Variants in NRXN1 observed in about 807,000 individuals in gnomAD.
NRXN1 encodes the protein neurexin 1.
NRXN1 carries 39 observed loss-of-function variants against 150.9 expected under a neutral mutation model. The ratio of observed to expected loss-of-function variants is 0.26; its 90% CI spans 0.20 to 0.34. NRXN1 has a LOEUF of 0.34. NRXN1 is among the 10% of genes least tolerant of loss of function. The probability of loss-of-function intolerance (pLI) is 1.00; values close to 1 mark genes in which losing one functional copy is unlikely to be tolerated. For missense variants in NRXN1, 1,815 were observed against 1,949.9 expected (o/e 0.93, Z 1.30); for synonymous variants, 924 against 757.0 (o/e 1.22, Z -3.62).
chr2:50,340,681 G>A (rs2077485605), intron 17 of NRXN1, among the ~76,000 whole-genome samples: 1 of 152,014 alleles, frequency 6.6e-6, no homozygotes, highest in East Asian at 1.9e-4. Flanking sequence ...ACTTAGAATT[G>A]GAAATGATCT....
chr2:50,872,233 G>C (rs145916020), intron 5 of NRXN1, among the ~76,000 whole-genome samples: 1 of 151,902 alleles, frequency 6.6e-6, no homozygotes, highest in African/African-American at 2.4e-5. Context: ...TTACGATTTT[G>C]TGGGAGAGAG....
At chr2:50,216,442 G>A (rs1239241320) in intron 18 of NRXN1, among the ~76,000 whole-genome samples, 1 of 151,954 alleles carries the variant, frequency 6.6e-6, no homozygotes, top group Non-Finnish European at 1.5e-5. Flanking sequence ...AAGGCATTGA[G>A]CCATACCTCT....
Position 50,295,803 on chromosome 2 carries a change from G to T in NRXN1, c.3365-58833C>A, listed in dbSNP as rs533560309. Among the ~76,000 whole-genome samples the T allele has an allele frequency of 5.9e-5, 9 of 152,250 alleles. No homozygotes were observed. In the East Asian group the frequency reaches 1.5e-3, roughly 26 times the overall value. ...GCATAAGGGAATTTCTCACAAAACC[G>T]CAATGCAGACCACTTCACAAATAAC... On this transcript the variant is annotated intron_variant, in intron 17 of 22. Coordinates refer to ENST00000401669, the MANE Select transcript of NRXN1 (RefSeq NM_001330078.2).
intron 5 of NRXN1, among the ~76,000 whole-genome samples, chr2:50,804,811 ATC>A (rs1667296737): frequency 6.6e-6 from 1 of 152,112 alleles, no homozygotes; most frequent in Non-Finnish European, 1.5e-5. Context: ...TAATTTACCT[ATC>A]AAAACCACTT....
At chr2:50,220,173 A>G (rs1194528862) in intron 18 of NRXN1, among the ~76,000 whole-genome samples, 3 of 150,190 alleles carry the variant, frequency 2.0e-5, no homozygotes, top group Non-Finnish European at 4.4e-5. Context: ...TGAGGTTCAC[A>G]TTACCAAAGA....
intron 18 of NRXN1, among the ~76,000 whole-genome samples, chr2:50,197,791 A>G (rs17040150): frequency 0.015 from 2,273 of 152,292 alleles, 55 homozygotes; most frequent in African/African-American, 0.052. Context: ...AGACATGCTA[A>G]TATCACAGCT....
intron 2 of NRXN1, among the ~76,000 whole-genome samples, chr2:51,020,017 A>G (rs1669339082): frequency 6.6e-6 from 1 of 151,548 alleles, no homozygotes; most frequent in South Asian, 2.1e-4. Context: ...TATTCAGTGC[A>G]TTGGTATTCA....
Position 50,260,204 on chromosome 2 carries a change from AGCCCATATGAT to A in NRXN1, c.3365-23245_3365-23235del, listed in dbSNP as rs141925611. On this transcript the variant is annotated intron_variant, in intron 17 of 22. Coordinates refer to ENST00000401669, the MANE Select transcript of NRXN1 (RefSeq NM_001330078.2). ...GAACATAGTGGTCATGGGTACTGGT[AGCCCATATGAT>A]GCCTTTAGGAAAATAGAAAAAAAGC... is the stretch of plus-strand genomic sequence containing the variant. Among the ~76,000 whole-genome samples the A allele has an allele frequency of 1.6e-3, 243 of 152,014 alleles. 9 individuals are homozygous for A. The East Asian group carries it at 0.034, about 21-fold the overall frequency.
At chr2:51,013,694 G>C (rs1321698775) in intron 2 of NRXN1, among the ~76,000 whole-genome samples, 1 of 151,984 alleles carries the variant, frequency 6.6e-6, no homozygotes, top group East Asian at 1.9e-4. Flanking sequence ...AGCTACTAAG[G>C]ATCTCTAGTG....
intron 5 of NRXN1, among the ~76,000 whole-genome samples, chr2:50,780,420 T>C (rs1242606497): frequency 1.3e-5 from 2 of 152,214 alleles, no homozygotes; most frequent in African/African-American, 2.4e-5. Flanking sequence ...TACTATTGTA[T>C]ATGTTGCCCA....
chr2:49,924,043 G>A (rs1338412616), intron 22 of NRXN1, among the ~76,000 whole-genome samples: 2 of 152,180 alleles, frequency 1.3e-5, no homozygotes, highest in Non-Finnish European at 2.9e-5. Context: ...CAGTAACTCT[G>A]TCACTACCTG....
At position 50,534,910 on chromosome 2, in the gene NRXN1, C is replaced by T. The variant is rs556727530; in HGVS notation, c.2143+3343G>A. Among the ~76,000 whole-genome samples the T allele has an allele frequency of 3.9e-5, 6 of 152,114 alleles. No individual in the cohort carries two copies. In the South Asian group the frequency reaches 1.2e-3, roughly 32 times the overall value. On this transcript the variant is annotated intron_variant, in intron 10 of 22. Coordinates refer to ENST00000401669, the MANE Select transcript of NRXN1 (RefSeq NM_001330078.2). Reference sequence around the variant, plus strand: ...ATCATAAATATAGTGTGAAATACAACCCAGAGAAAAAAATAATCAGAATCA... The same window carrying T: ...ATCATAAATATAGTGTGAAATACAATCCAGAGAAAAAAATAATCAGAATCA...
intron 5 of NRXN1, among the ~76,000 whole-genome samples, chr2:50,820,279 T>G (rs932943519): frequency 5.3e-5 from 8 of 152,114 alleles, no homozygotes; most frequent in Admixed American, 5.2e-4. Context: ...TTTATTCTCT[T>G]TCCCCATTAA....
chr2:50,293,300 T>C (rs575591243), intron 17 of NRXN1, among the ~76,000 whole-genome samples: 3 of 152,078 alleles, frequency 2.0e-5, no homozygotes, highest in Non-Finnish European at 4.4e-5. Context: ...CATATAGTTA[T>C]ATACACCAGT....
chr2:50,796,363 G>C (rs1706828449), intron 5 of NRXN1, among the ~76,000 whole-genome samples: 1 of 152,054 alleles, frequency 6.6e-6, no homozygotes, highest in Non-Finnish European at 1.5e-5. Context: ...AGCAATTTTG[G>C]AATGAAGGCC....
intron 21 of NRXN1, among the ~76,000 whole-genome samples, chr2:49,993,539 T>C (rs1482789135): frequency 6.6e-6 from 1 of 152,204 alleles, no homozygotes; most frequent in East Asian, 1.9e-4. Flanking sequence ...ATGTAACCTC[T>C]GGCCTTTGGT....
chr2:49,950,680 T>C (rs1673774141), intron 21 of NRXN1, among the ~76,000 whole-genome samples: 1 of 151,962 alleles, frequency 6.6e-6, no homozygotes, highest in Non-Finnish European at 1.5e-5. Flanking sequence ...CCCATATCCA[T>C]TACTTCATTT....
At chr2:50,295,851 T>A (rs1056418633) in intron 17 of NRXN1, among the ~76,000 whole-genome samples, 1 of 152,222 alleles carries the variant, frequency 6.6e-6, no homozygotes, top group South Asian at 2.1e-4. Flanking sequence ...AAATTTTTAC[T>A]GCACTGAAAG....
At chr2:50,540,920 C>T (rs1288802022) in intron 9 of NRXN1, among the ~76,000 whole-genome samples, 1 of 152,096 alleles carries the variant, frequency 6.6e-6, no homozygotes, top group African/African-American at 2.4e-5. Context: ...CCTTGGCCTC[C>T]CAAAGTGCTG....
Sources: allele counts gnomAD v4.1 joint callset (sites outside exome capture counted in the v4.1 genomes callset), GRCh38; gene constraint gnomAD v4.1.1; transcripts MANE v1.5; gene names NCBI Gene and HGNC (gene_info 2026-07-23, HGNC 2026-07-21).